PDE1C: variants seen among roughly 807,000 people sequenced by gnomAD.
The protein encoded by PDE1C is phosphodiesterase 1C, also known as dual specificity calcium/calmodulin-dependent 3',5'-cyclic nucleotide phosphodiesterase 1C.
A neutral mutation model predicts 93.1 loss-of-function variants in PDE1C; 62 were observed. The observed-to-expected ratio is 0.67, with a 90% CI of 0.54 to 0.82. The LOEUF is 0.82. Among genes scored for constraint, PDE1C ranks in the 40% least tolerant of loss-of-function variants. The pLI is 0.00. For synonymous variants in PDE1C, 325 were observed against 310.1 expected (o/e 1.05, Z -0.50); for missense variants, 742 against 884.6 (o/e 0.84, Z 2.04).
At chr7:32,190,435 C>G (rs936661049) in intron 2 of PDE1C, among the ~76,000 whole-genome samples, 2 of 152,182 alleles carry the variant, frequency 1.3e-5, no homozygotes, top group African/African-American at 2.4e-5. Flanking sequence ...GCTTGGCACA[C>G]TATTGAGTTG....
At chr7:31,991,887 C>A (rs563120449) in intron 2 of PDE1C, among the ~76,000 whole-genome samples, 74 of 152,332 alleles carry the variant, frequency 4.9e-4, no homozygotes, top group Admixed American at 1.5e-3. Context: ...TGCAAAAATT[C>A]TGGCACACCA....
At chr7:31,810,594 G>GT (rs978835742) in intron 15 of PDE1C, among the ~76,000 whole-genome samples, 30 of 152,166 alleles carry the variant, frequency 2.0e-4, no homozygotes, top group African/African-American at 5.5e-4. Flanking sequence ...CCAAATTTAA[G>GT]TTTTTTTCTT....
intron 1 of PDE1C, among the ~76,000 whole-genome samples, chr7:32,296,643 T>C (rs1812619888): frequency 6.6e-6 from 1 of 151,804 alleles, no homozygotes; most frequent in African/African-American, 2.4e-5. Context: ...AAAGGGAAAA[T>C]GTCAGGAAGA....
intron 2 of PDE1C, among the ~76,000 whole-genome samples, chr7:31,924,929 T>C (rs1273256925): frequency 2.0e-5 from 3 of 152,188 alleles, no homozygotes; most frequent in Non-Finnish European, 4.4e-5. Flanking sequence ...AATGTATAAT[T>C]CTCAAATATA....
At chr7:31,651,978 G>T in the PDE1C span, 1 of 1,605,382 alleles carries the variant, frequency 6.2e-7, no homozygotes, top group Non-Finnish European at 8.5e-7. Flanking sequence ...GTGAGGCCCT[G>T]AGGCAGCAGG....
chr7:32,154,413 C>T (rs1308297545), intron 3 of PDE1C, among the ~76,000 whole-genome samples: 4 of 152,102 alleles, frequency 2.6e-5, no homozygotes, highest in South Asian at 2.1e-4. Context: ...GTCCCAGGTA[C>T]GCATTATCCA....
intron 2 of PDE1C, among the ~76,000 whole-genome samples, chr7:31,922,484 A>C (rs1019486724): frequency 2.6e-5 from 4 of 152,208 alleles, no homozygotes; most frequent in African/African-American, 9.6e-5. Context: ...TATTTTTCTG[A>C]ATATGTATAA....
chr7:32,087,941 T>C (rs1375045292), intron 3 of PDE1C, among the ~76,000 whole-genome samples: 2 of 151,836 alleles, frequency 1.3e-5, no homozygotes, highest in Non-Finnish European at 2.9e-5. Context: ...GCATGGCACA[T>C]GTATACATAT....
At chr7:32,181,117 A>G (rs531585088) in intron 2 of PDE1C, among the ~76,000 whole-genome samples, 1 of 152,320 alleles carries the variant, frequency 6.6e-6, no homozygotes, top group South Asian at 2.1e-4. Context: ...ACTTATATGC[A>G]CCCAATACAG....
At chr7:31,774,541 A>C (rs1795705833) in intron 17 of PDE1C, among the ~76,000 whole-genome samples, 1 of 152,212 alleles carries the variant, frequency 6.6e-6, no homozygotes, top group Non-Finnish European at 1.5e-5. Context: ...AATCTATGGT[A>C]AATCCGTACT....
At chr7:32,282,511 T>TAGATAGATAGATAGATAGATAGATA (rs1304841647) in intron 1 of PDE1C, among the ~76,000 whole-genome samples, 1 of 151,432 alleles carries the variant, frequency 6.6e-6, no homozygotes, top group Non-Finnish European at 1.5e-5. Flanking sequence ...GATAGATAGA[T>TAGATAGATAGATAGATAGATAGATA]GGTCAATTAA....
chr7:31,762,187 T>C (rs1326744987), intron 17 of PDE1C, among the ~76,000 whole-genome samples: 2 of 152,338 alleles, frequency 1.3e-5, no homozygotes, highest in African/African-American at 4.8e-5. Flanking sequence ...GAGCCTTTCC[T>C]TTTGTAGAAA....
chr7:32,242,149 G>A (rs1471555860), intron 1 of PDE1C, among the ~76,000 whole-genome samples: 4 of 152,116 alleles, frequency 2.6e-5, no homozygotes, highest in Non-Finnish European at 4.4e-5. Flanking sequence ...ACCTGGATTT[G>A]GGGTTTGCCA....
At chr7:32,385,972 A>G (rs1308762470) in intron 1 of PDE1C, among the ~76,000 whole-genome samples, 1 of 152,056 alleles carries the variant, frequency 6.6e-6, no homozygotes, top group African/African-American at 2.4e-5. Flanking sequence ...CCTGTCCCAG[A>G]GACTACGATG....
intron 3 of PDE1C, among the ~76,000 whole-genome samples, chr7:32,108,456 C>G (rs570567138): frequency 4.0e-5 from 6 of 151,398 alleles, no homozygotes; most frequent in Admixed American, 2.0e-4. Context: ...CACACACACA[C>G]AGAAGGAGAA....
chr7:32,246,280 G>A (rs112931872), intron 1 of PDE1C, among the ~76,000 whole-genome samples: 4 of 152,216 alleles, frequency 2.6e-5, no homozygotes, highest in African/African-American at 9.6e-5. Context: ...TTCGACGTAT[G>A]AATTTTGAGG....
chr7:31,809,145 C>T (rs751259398), intron 15 of PDE1C, 37 bp from the exon 16 acceptor site: 19 of 1,118,848 alleles, frequency 1.7e-5, no homozygotes, highest in Non-Finnish European at 2.2e-5. Flanking sequence ...TATATGTATG[C>T]AGCTGAGGGG....
chr7:32,147,353 T>G (rs1017425165), intron 3 of PDE1C, among the ~76,000 whole-genome samples: 1 of 147,018 alleles, frequency 6.8e-6, no homozygotes, highest in African/African-American at 2.5e-5. Context: ...TAGGTATGCT[T>G]TGTGTTTGCA....
At chr7:32,258,961 A>C (rs897012545) in intron 1 of PDE1C, among the ~76,000 whole-genome samples, 1 of 152,100 alleles carries the variant, frequency 6.6e-6, no homozygotes, top group African/African-American at 2.4e-5. Context: ...TGAAAGAGGG[A>C]ATGTCCATGG....
Sources: gnomAD v4.1 joint callset for allele counts (sites outside exome capture counted in the v4.1 genomes callset) on GRCh38, gnomAD v4.1.1 for gene constraint, MANE v1.5 for transcripts, NCBI Gene and HGNC (gene_info 2026-07-23, HGNC 2026-07-21) for gene names.